Variants in SEM1 observed in about 807,000 individuals in gnomAD.
SEM1 encodes SEM1 26S proteasome subunit, also known as 26S proteasome complex subunit SEM1.
A neutral mutation model predicts 12.7 loss-of-function variants in SEM1; 3 were observed. The observed-to-expected ratio is 0.24, with a 90% CI of 0.11 to 0.61. SEM1 has a LOEUF of 0.61. Among genes scored for constraint, SEM1 ranks in the 20% least tolerant of loss-of-function variants. The pLI, the probability that SEM1 is intolerant of heterozygous loss-of-function variation, is 0.88. For missense variants in SEM1, 59 were observed against 81.3 expected (o/e 0.73, Z 1.06); for synonymous variants, 30 against 27.8 (o/e 1.08, Z -0.25).
chr7:96,553,695 T>C (rs1034690228), intron 2 of SEM1, among the ~76,000 whole-genome samples: 6 of 152,040 alleles, frequency 3.9e-5, no homozygotes, highest in East Asian at 1.9e-4. Flanking sequence ...TTTGGTTCCA[T>C]ATGAACTTTA....
At chr7:96,594,679 G>A (rs1307017116) in intron 2 of SEM1, among the ~76,000 whole-genome samples, 1 of 152,104 alleles carries the variant, frequency 6.6e-6, no homozygotes, top group Non-Finnish European at 1.5e-5. Context: ...TTGGTAAAAT[G>A]TTTTGAAATG....
chr7:96,576,046 C>T (rs1285114808), intron 2 of SEM1, among the ~76,000 whole-genome samples: 1 of 151,968 alleles, frequency 6.6e-6, no homozygotes, highest in Non-Finnish European at 1.5e-5. Flanking sequence ...ATTATTGTAC[C>T]TTCCTGTGAA....
intron 2 of SEM1, among the ~76,000 whole-genome samples, chr7:96,569,205 A>T (rs1805942132): frequency 6.6e-6 from 1 of 151,968 alleles, no homozygotes; most frequent in African/African-American, 2.4e-5. Flanking sequence ...GTCAGTCTTG[A>T]TTCCTTTGGA....
intron 2 of SEM1, among the ~76,000 whole-genome samples, chr7:96,602,812 GA>G (rs1353040563): frequency 6.6e-6 from 1 of 152,144 alleles, no homozygotes; most frequent in Non-Finnish European, 1.5e-5. Context: ...TTCCATTTAA[GA>G]AATTAATGGA....
intron 2 of SEM1, among the ~76,000 whole-genome samples, chr7:96,662,449 C>G (rs1789034742): frequency 6.6e-6 from 1 of 152,154 alleles, no homozygotes; most frequent in African/African-American, 2.4e-5. Flanking sequence ...TGCTCTCACT[C>G]ATAAGTGGGA....
downstream of SEM1, among the ~76,000 whole-genome samples, chr7:96,669,213 G>A (rs552236581): frequency 1.2e-3 from 186 of 152,228 alleles, no homozygotes; most frequent in African/African-American, 4.2e-3. Context: ...GCTGAACTCC[G>A]AAAGCCTCAT....
At chr7:96,584,938 T>G (rs1179959173) in intron 2 of SEM1, among the ~76,000 whole-genome samples, 1 of 150,888 alleles carries the variant, frequency 6.6e-6, no homozygotes, top group African/African-American at 2.4e-5. Context: ...TCGGAGTAAT[T>G]TGATCGTCTG....
At chr7:96,554,065 A>T (rs951171727) in intron 2 of SEM1, among the ~76,000 whole-genome samples, 1 of 151,666 alleles carries the variant, frequency 6.6e-6, no homozygotes, top group Non-Finnish European at 1.5e-5. Flanking sequence ...GACTTTGCTG[A>T]ATTTGCTTAT....
intron 2 of SEM1, among the ~76,000 whole-genome samples, chr7:96,527,865 T>G (rs1365073492): frequency 6.6e-6 from 1 of 152,166 alleles, no homozygotes; most frequent in Admixed American, 6.5e-5. Context: ...GATGGCATGT[T>G]CTGAGTTCTT....
chr7:96,579,721 A>AT (rs1806322653), intron 2 of SEM1, among the ~76,000 whole-genome samples: 1 of 152,162 alleles, frequency 6.6e-6, no homozygotes, highest in Admixed American at 6.5e-5. Flanking sequence ...AAAGTGTTTC[A>AT]TTTTGTATCT....
intron 2 of SEM1, among the ~76,000 whole-genome samples, chr7:96,587,812 T>G (rs998786314): frequency 1.1e-4 from 16 of 152,182 alleles, no homozygotes; most frequent in African/African-American, 3.9e-4. Context: ...CATACGTACA[T>G]AGATGTAATA....
chr7:96,683,885 C>T (rs183497542), downstream of SEM1, among the ~76,000 whole-genome samples: 215 of 151,896 alleles, frequency 1.4e-3, no homozygotes, highest in South Asian at 7.3e-3. Context: ...CAGGGGGTGG[C>T]GGACTAGGGG....
chr7:96,541,988 G>T (rs1804971609), intron 2 of SEM1, among the ~76,000 whole-genome samples: 2 of 126,760 alleles, frequency 1.6e-5, no homozygotes, highest in African/African-American at 6.1e-5. Context: ...TCTTTGGGTT[G>T]CTGTGGCCTT....
intron 2 of SEM1, among the ~76,000 whole-genome samples, chr7:96,639,572 T>G (rs2116382703): frequency 6.6e-6 from 1 of 151,842 alleles, no homozygotes; most frequent in African/African-American, 2.4e-5. Flanking sequence ...TTCACAAAAC[T>G]CAACTTAAAT....
chr7:96,561,704 T>C (rs1805695886), intron 2 of SEM1, among the ~76,000 whole-genome samples: 1 of 152,244 alleles, frequency 6.6e-6, no homozygotes, highest in South Asian at 2.1e-4. Flanking sequence ...TAACTACTCA[T>C]TTCTATACTC....
chr7:96,517,919 G>A (rs1056784540), intron 2 of SEM1, among the ~76,000 whole-genome samples: 1 of 152,088 alleles, frequency 6.6e-6, no homozygotes, highest in African/African-American at 2.4e-5. Context: ...CTATGCACAG[G>A]TATATATGTA....
chr7:96,591,019 A>G (rs1806812646), intron 2 of SEM1, among the ~76,000 whole-genome samples: 1 of 152,210 alleles, frequency 6.6e-6, no homozygotes, highest in South Asian at 2.1e-4. Flanking sequence ...CAGAAGAAAC[A>G]TTACTTGTTT....
At chr7:96,671,084 T>C (rs185692863), downstream of SEM1, among the ~76,000 whole-genome samples, 215 of 152,318 alleles carry the variant, frequency 1.4e-3, 1 homozygote, top group Admixed American at 3.5e-3. Flanking sequence ...ATTCATAATA[T>C]GCTGACTCAG....
At position 96,488,840 on chromosome 7, in the gene SEM1, T is replaced by C. The variant is rs1391738724; in HGVS notation, c.13-2423A>G. ...TGAAGTGTATTGGCCTGTTTTGTTC[T>C]TTGGGCTGTGGGTAAAAGAAGTGGC... On this transcript the variant is annotated intron_variant, in intron 1 of 3. Coordinates refer to the SEM1 transcript ENST00000356686. Among the ~76,000 whole-genome samples the C allele has an allele frequency of 2.0e-5, 3 of 152,208 alleles. No individual in the cohort carries two copies. The East Asian group carries it at 5.8e-4, about 30-fold the overall frequency.
Sources: gnomAD v4.1 joint callset for allele counts (sites outside exome capture counted in the v4.1 genomes callset) on GRCh38, gnomAD v4.1.1 for gene constraint, MANE v1.5 for transcripts, NCBI Gene and HGNC (gene_info 2026-07-23, HGNC 2026-07-21) for gene names.